The following STK32B variants were observed in gnomAD, a reference collection of about 807,000 sequenced individuals.
STK32B encodes the protein serine/threonine-protein kinase 32B.
A neutral mutation model predicts 52.6 loss-of-function variants in STK32B; 43 were observed. The observed-to-expected ratio is 0.82, with a 90% CI of 0.64 to 1.05. STK32B has a LOEUF of 1.05. STK32B is among the 50% of genes least tolerant of loss of function. The pLI is 0.00. For missense variants in STK32B, 621 were observed against 534.6 expected (o/e 1.16, Z -1.59); for synonymous variants, 238 against 204.3 (o/e 1.17, Z -1.41).
intron 1 of STK32B, among the ~76,000 whole-genome samples, chr4:5,093,076 A>G (rs1050840711): frequency 5.9e-5 from 9 of 152,204 alleles, no homozygotes; most frequent in Non-Finnish European, 8.8e-5. Flanking sequence ...ATATTGGAAC[A>G]ATTTTTGGAG....
At chr4:5,205,704 G>GCGCGCT (rs1491373538) in intron 3 of STK32B, among the ~76,000 whole-genome samples, 2 of 22,356 alleles carry the variant, frequency 8.9e-5, no homozygotes, top group Non-Finnish European at 1.8e-4. Context: ...GCGCGCGCGC[G>GCGCGCT]TGTGTGTGTG....
chr4:5,349,401 A>G (rs1021239556), intron 4 of STK32B, among the ~76,000 whole-genome samples: 4 of 152,116 alleles, frequency 2.6e-5, no homozygotes, highest in Non-Finnish European at 5.9e-5. Flanking sequence ...AAGAAACCAT[A>G]CAGAGACTAC....
intron 6 of STK32B, chr4:5,437,840 A>T: frequency 1.1e-6 from 1 of 879,536 alleles, no homozygotes; most frequent in East Asian, 1.2e-4. Flanking sequence ...TAGTTCTCTC[A>T]CGTCTAAGTG....
chr4:5,074,718 A>T (rs1432099051), intron 1 of STK32B, among the ~76,000 whole-genome samples: 1 of 152,110 alleles, frequency 6.6e-6, no homozygotes, highest in Non-Finnish European at 1.5e-5. Context: ...TTTTTATTTC[A>T]GATATTGTAT....
intron 3 of STK32B, among the ~76,000 whole-genome samples, chr4:5,187,626 G>T (rs981901477): frequency 2.7e-5 from 4 of 150,088 alleles, no homozygotes; most frequent in Admixed American, 6.7e-5. Context: ...GGCGGGGGAG[G>T]GGGGGGACAA....
At chr4:5,294,037 A>C (rs1729046007) in intron 3 of STK32B, among the ~76,000 whole-genome samples, 1 of 152,134 alleles carries the variant, frequency 6.6e-6, no homozygotes, top group Non-Finnish European at 1.5e-5. Context: ...CCATTTATTA[A>C]ATAGGGAATC....
chr4:5,256,624 T>C (rs1470735178), intron 3 of STK32B, among the ~76,000 whole-genome samples: 3 of 152,208 alleles, frequency 2.0e-5, no homozygotes, highest in Non-Finnish European at 2.9e-5. Context: ...CTCCACTGCT[T>C]TTCTAGCCTT....
intron 4 of STK32B, among the ~76,000 whole-genome samples, chr4:5,364,439 G>A (rs909398392): frequency 2.0e-5 from 3 of 152,190 alleles, no homozygotes; most frequent in African/African-American, 7.2e-5. Flanking sequence ...CTGGCAACAT[G>A]CCTGCCAGCA....
intron 1 of STK32B, among the ~76,000 whole-genome samples, chr4:5,111,172 A>C (rs1193314834): frequency 6.6e-6 from 1 of 152,176 alleles, no homozygotes; most frequent in Non-Finnish European, 1.5e-5. Context: ...TGGGAATTCA[A>C]ATTAGTTCAG....
chr4:5,311,545 T>C (rs1326003269), intron 3 of STK32B, among the ~76,000 whole-genome samples: 1 of 151,944 alleles, frequency 6.6e-6, no homozygotes, highest in Non-Finnish European at 1.5e-5. Flanking sequence ...CTAGCAAGAC[T>C]GACAAACATA....
intron 1 of STK32B, among the ~76,000 whole-genome samples, chr4:5,109,278 C>A (rs1714265947): frequency 6.6e-6 from 1 of 152,176 alleles, no homozygotes; most frequent in Non-Finnish European, 1.5e-5. Flanking sequence ...ATGGCCAGGG[C>A]TAGTTATTCA....
At chr4:5,317,300 A>T (rs1424705224) in intron 3 of STK32B, among the ~76,000 whole-genome samples, 1 of 40,256 alleles carries the variant, frequency 2.5e-5, no homozygotes, top group Non-Finnish European at 3.6e-5. Flanking sequence ...TATATAATAT[A>T]TAATATATAA....
chr4:5,283,243 T>C (rs993553037), intron 3 of STK32B, among the ~76,000 whole-genome samples: 1 of 152,042 alleles, frequency 6.6e-6, no homozygotes, highest in Admixed American at 6.6e-5. Context: ...TCACAAATGA[T>C]AGGATTTCCT....
intron 1 of STK32B, among the ~76,000 whole-genome samples, chr4:5,123,868 TC>T (rs1274807170): frequency 1.3e-4 from 17 of 128,848 alleles, no homozygotes; most frequent in African/African-American, 4.8e-4. Context: ...ACCACCATCA[TC>T]AATCTCCTCA....
At chr4:5,214,247 C>T (rs1723062455) in intron 3 of STK32B, 1 of 152,258 alleles carries the variant, frequency 6.6e-6, no homozygotes, top group Non-Finnish European at 1.5e-5. Flanking sequence ...TCTCTCTCCC[C>T]TGCTGCCATG....
intron 2 of STK32B, among the ~76,000 whole-genome samples, chr4:5,152,019 G>T (rs1217308684): frequency 6.6e-6 from 1 of 152,210 alleles, no homozygotes. Flanking sequence ...CTGGTCCAAG[G>T]TGTCGCCATG....
intron 2 of STK32B, among the ~76,000 whole-genome samples, chr4:5,141,084 T>G (rs952410594): frequency 1.3e-5 from 2 of 152,160 alleles, no homozygotes; most frequent in Admixed American, 6.5e-5. Context: ...ATGTGGATAT[T>G]TAAATTTGAA....
intron 3 of STK32B, among the ~76,000 whole-genome samples, chr4:5,253,205 C>G (rs940040667): frequency 6.6e-6 from 1 of 152,068 alleles, no homozygotes; most frequent in African/African-American, 2.4e-5. Context: ...TTACATTGCT[C>G]CCTCTGTCTA....
At chr4:5,419,372 TCA>T (rs1477595466) in intron 6 of STK32B, among the ~76,000 whole-genome samples, 1 of 152,184 alleles carries the variant, frequency 6.6e-6, no homozygotes, top group East Asian at 1.9e-4. Flanking sequence ...TGGTTCTACT[TCA>T]CACAGTTTTT....
Sources: gnomAD v4.1 joint callset for allele counts (sites outside exome capture counted in the v4.1 genomes callset) on GRCh38, gnomAD v4.1.1 for gene constraint, MANE v1.5 for transcripts, NCBI Gene and HGNC (gene_info 2026-07-23, HGNC 2026-07-21) for gene names.